The following CHAT variants were observed in gnomAD, a reference collection of about 807,000 sequenced individuals.
CHAT encodes the protein acetyl CoA:choline O-acetyltransferase.
CHAT carries 61 observed loss-of-function variants against 76.9 expected under a neutral mutation model. That is an observed-to-expected ratio of 0.79 (90% CI 0.65 to 0.98). The LOEUF (loss-of-function observed/expected upper bound fraction) is 0.98, where lower values mean the gene tolerates loss of function less well. CHAT is among the 50% of genes least tolerant of loss of function. The pLI, the probability that CHAT is intolerant of heterozygous loss-of-function variation, is 0.00. For missense variants in CHAT, 946 were observed against 986.9 expected, an observed-to-expected ratio of 0.96 and a Z score of 0.56; for synonymous variants, 407 against 397.4, an observed-to-expected ratio of 1.02 and a Z score of -0.29.
At chr10:49,616,151 T>A in intron 1 of CHAT, 1 of 1,487,208 alleles carries the variant, frequency 6.7e-7, no homozygotes, top group Non-Finnish European at 9.4e-7. Context: ...GCAAAGCACT[T>A]ATCTATTGGG....
rs745938985 is a variant in CHAT at position 49,648,585 on chromosome 10, A to G, written c.1360A>G (p.Thr454Ala). The G allele has an allele frequency of 2.5e-6, 4 of 1,613,178 alleles. No individual in the cohort carries two copies. The highest frequency in any genetic ancestry group is 1.7e-5 in the Admixed American group (1 of 59,996). Reference sequence around the variant, plus strand: ...CGATGGCATCGTCCTGGTGCAGTGCACTGAGCATCTGCTCAAGCACGTGTG... The same window carrying G: ...CGATGGCATCGTCCTGGTGCAGTGCGCTGAGCATCTGCTCAAGCACGTGTG... ...PFDGIVLVQC[T>A]EHLLKHVTQS... Residue 454 changes from threonine (T) to alanine (A), a missense_variant, in exon 9 of 15, where the codon ACT (threonine) becomes GCT (alanine). Around this residue, in one of 3 missense-constraint regions of CHAT, gnomAD observed 349 missense variants for 393.9 expected, o/e 0.89. Coordinates refer to ENST00000337653, the MANE Select transcript of CHAT (RefSeq NM_020549.5).
chr10:49,653,650 C>T (rs1839948204), intron 11 of CHAT, among the ~76,000 whole-genome samples: 1 of 152,200 alleles, frequency 6.6e-6, no homozygotes, highest in African/African-American at 2.4e-5. Context: ...GAGGACTGGG[C>T]TTGCTGCTGA....
chr10:49,614,428 A>G lies in CHAT; in HGVS notation c.239A>G (p.Glu80Gly). The change falls in exon 1 of 15, where the codon GAG becomes GGG. Residue 80 changes from glutamate to glycine, a missense_variant. Physicochemically the swap from Glu to Gly is moderately conservative, Grantham distance 98. Coordinates refer to ENST00000337653, the MANE Select transcript of CHAT (RefSeq NM_020549.5). ...GCTCACACCCCCGCCCACACTCCTG[A>G]GTGGTGCGGTGCAGCGTCGGCCGAG... ...LPAHTPAHTP[E>G]WCGAASAEAA... 1.3e-6 allele frequency: 2 copies of G among 1,547,350 alleles called. No homozygotes were observed. Among genetic ancestry groups the G allele is most frequent in the African/African-American group, 2.7e-5 (2 of 72,996 alleles).
chr10:49,658,573 G>T (rs1470889465), intron 13 of CHAT, among the ~76,000 whole-genome samples: 1 of 151,988 alleles, frequency 6.6e-6, no homozygotes, highest in Admixed American at 6.6e-5. Context: ...TCCAAGTGTG[G>T]TGGCACATGC....
upstream of CHAT, chr10:49,612,010 G>A (rs559399839): frequency 6.2e-7 from 1 of 1,613,700 alleles, no homozygotes; most frequent in Non-Finnish European, 8.5e-7. Flanking sequence ...CTACGCCATC[G>A]CCGACATCTC....
At chr10:49,610,601 C>A, upstream of CHAT, 7 of 779,052 alleles carry the variant, frequency 9.0e-6, no homozygotes, top group South Asian at 2.5e-5. Flanking sequence ...GGGCCATGAG[C>A]TCCGCGGCCA....
At chr10:49,646,760 G>A in intron 8 of CHAT, 86 bp downstream of exon 8, 1 of 1,456,440 alleles carries the variant, frequency 6.9e-7, no homozygotes, top group East Asian at 2.4e-5. Flanking sequence ...CTGGTGCCCA[G>A]GCCCGCACGT....
chr10:49,652,474 C>T (rs1401179626), intron 11 of CHAT, among the ~76,000 whole-genome samples: 5 of 152,112 alleles, frequency 3.3e-5, no homozygotes, highest in African/African-American at 4.8e-5. Context: ...TTCTCGTATC[C>T]CCGCACACTG....
At chr10:49,630,769 C>G (rs1053200992) in intron 7 of CHAT, among the ~76,000 whole-genome samples, 1 of 152,096 alleles carries the variant, frequency 6.6e-6, no homozygotes, top group Non-Finnish European at 1.5e-5. Context: ...AAATAAGAGG[C>G]CTTTGGTTGG....
intron 7 of CHAT, among the ~76,000 whole-genome samples, chr10:49,631,685 G>A (rs1458246561): frequency 2.0e-5 from 3 of 152,182 alleles, no homozygotes; most frequent in Admixed American, 1.3e-4. Flanking sequence ...TCAGAGTGTG[G>A]GATGCTTGAA....
chr10:49,619,434 G>A (rs1234347785), intron 2 of CHAT, among the ~76,000 whole-genome samples: 1 of 152,240 alleles, frequency 6.6e-6, no homozygotes, highest in African/African-American at 2.4e-5. Flanking sequence ...CAAGTTTGCA[G>A]AGCTGGTCAG....
intron 7 of CHAT, among the ~76,000 whole-genome samples, chr10:49,641,683 TG>T (rs570951242): frequency 3.2e-4 from 48 of 151,978 alleles, no homozygotes; most frequent in Non-Finnish European, 6.2e-4. Flanking sequence ...GAGATAGGAT[TG>T]GGAAAGGTTA....
chr10:49,648,677 G>C, intron 9 of CHAT, 70 bp downstream of exon 9: 1 of 952,952 alleles, frequency 1.0e-6, no homozygotes. Context: ...GGCTGTGTCA[G>C]TCTGGAAAGC....
rs757344796 is a variant in CHAT, at chr10:49,619,742, C to A, written c.405C>A (p.Pro135=). The A allele has an allele frequency of 1.4e-5, 22 of 1,612,404 alleles. No homozygotes were observed. The highest frequency in any genetic ancestry group is 1.8e-4 in the Middle Eastern group (1 of 5,450). ...SSEESGLPKL[P]VPPLQQTLAT... is the part of the protein sequence containing the mutation. ...TCTTCCAGGGGCTGCCCAAACTGCC[C>A]GTGCCCCCGCTGCAGCAGACCCTGG... is the stretch of plus-strand genomic sequence containing the variant. The change falls in exon 3 of 15, where the codon CCC becomes CCA. Residue 135 remains proline (P), a synonymous_variant. Transcript: ENST00000337653.
rs752229820 is a variant in CHAT, at chr10:49,648,560, C to T, written c.1335C>T (p.Phe445=). The T allele has an allele frequency of 3.1e-6, 5 of 1,614,004 alleles. No individual in the cohort carries two copies. The South Asian group carries it at 4.4e-5, about 14-fold the overall frequency. Residue 445 remains phenylalanine, a synonymous_variant, in exon 9 of 15, where the codon TTC becomes TTT. Transcript: ENST00000337653. ...GTGTGGTGTGCGAACACTCCCCATT[C>T]GATGGCATCGTCCTGGTGCAGTGCA... ...TCGVVCEHSP[F]DGIVLVQCTE...
At chr10:49,645,306 G>A (rs1049698444) in intron 7 of CHAT, among the ~76,000 whole-genome samples, 3 of 152,146 alleles carry the variant, frequency 2.0e-5, no homozygotes, top group Non-Finnish European at 4.4e-5. Context: ...GCCTCATCCT[G>A]TCCCAGCATC....
chr10:49,633,745 GC>G (rs144911528), intron 7 of CHAT, among the ~76,000 whole-genome samples: 2,654 of 152,198 alleles, frequency 0.017, 42 homozygotes, highest in Middle Eastern at 0.041. Context: ...AGCTTGGAGA[GC>G]CCCCCAGCCC....
At position 49,620,610 on chromosome 10, in the gene CHAT, T is replaced by G. The variant is rs1349410219; in HGVS notation, c.695T>G (p.Leu232Arg). Reference protein sequence around the residue: ...RQHFPGTDDQLRFAASLISGV... With the variant: ...RQHFPGTDDQRRFAASLISGV... ...CACTTCCCTGGCACCGATGACCAGC[T>G]GAGGTGAGGCCTTGGTGCTCCTAGC... is the stretch of plus-strand genomic sequence containing the variant. Residue 232 changes from leucine (L) to arginine (R), a missense_variant, in exon 4 of 15, where the codon CTG becomes CGG. By Grantham distance (102) the Leu-to-Arg change is moderately radical (BLOSUM62 -2). Transcript: ENST00000337653. 1 of 1,610,172 alleles carries G rather than the reference T, an allele frequency of 6.2e-7. No individual in the cohort carries two copies. Among genetic ancestry groups the G allele is most frequent in the African/African-American group, 1.3e-5 (1 of 74,824 alleles).
At position 49,629,363 on chromosome 10, in the gene CHAT, G is replaced by C. The variant is rs1316552789; in HGVS notation, c.1111+1578G>C. Among the ~76,000 whole-genome samples, 8 of 152,272 alleles carry C rather than the reference G, an allele frequency of 5.3e-5. No homozygotes were observed. In the East Asian group the frequency reaches 1.5e-3, roughly 29 times the overall value. ...ACCTCCTGAATGCTGTCATAAATAG[G>C]GGGCTGCAGGAGCCAAAGAGGGGTG... On this transcript the variant is annotated intron_variant, in intron 7 of 14. Coordinates refer to ENST00000337653, the MANE Select transcript of CHAT (RefSeq NM_020549.5).
Sources: allele counts gnomAD v4.1 joint callset (sites outside exome capture counted in the v4.1 genomes callset), GRCh38; gene constraint gnomAD v4.1.1; regional missense constraint gnomAD v4.1.1; transcripts MANE v1.5; gene names NCBI Gene and HGNC (gene_info 2026-07-23, HGNC 2026-07-21).